Variants in COP1 observed in about 807,000 individuals in gnomAD.
COP1 encodes COP1 E3 ubiquitin ligase.
Under a neutral mutation model 101.3 loss-of-function variants are expected in COP1, and 24 were observed. The ratio of observed to expected loss-of-function variants is 0.24; its 90% CI spans 0.17 to 0.33. The LOEUF is 0.33. Ranked by LOEUF, COP1 falls within the 10% of genes least tolerant of loss-of-function variation. COP1 has a pLI of 1.00. For missense variants in COP1, 663 were observed against 906.2 expected (o/e 0.73, Z 3.45); for synonymous variants, 347 against 341.9 (o/e 1.01, Z -0.17).
chr1:176,060,403 T>C (rs1674630895), intron 11 of COP1, among the ~76,000 whole-genome samples: 1 of 152,174 alleles, frequency 6.6e-6, no homozygotes, highest in African/African-American at 2.4e-5. Context: ...TAACAAGAGC[T>C]GAAAAAGAAA....
At chr1:176,084,568 A>C (rs904826885) in intron 10 of COP1, among the ~76,000 whole-genome samples, 1 of 152,196 alleles carries the variant, frequency 6.6e-6, no homozygotes, top group Non-Finnish European at 1.5e-5. Context: ...AAAAATTATT[A>C]CACAAGCACA....
chr1:176,041,741 A>G (rs1339368123), intron 14 of COP1, among the ~76,000 whole-genome samples: 1 of 152,068 alleles, frequency 6.6e-6, no homozygotes, highest in Non-Finnish European at 1.5e-5. Context: ...CGAGGTGGGT[A>G]GATCACTGGA....
At chr1:175,989,155 A>T (rs1449914970) in intron 16 of COP1, 1 of 382,378 alleles carries the variant, frequency 2.6e-6, no homozygotes, top group Non-Finnish European at 4.7e-6. Flanking sequence ...TCAGGATTTT[A>T]CCCACAATTC....
At chr1:176,080,765 T>C (rs562848390) in intron 11 of COP1, among the ~76,000 whole-genome samples, 7 of 152,132 alleles carry the variant, frequency 4.6e-5, no homozygotes, top group African/African-American at 1.4e-4. Context: ...GCAAATTGAA[T>C]TGGTAGTTAA....
intron 6 of COP1, among the ~76,000 whole-genome samples, chr1:176,145,007 A>G (rs982889016): frequency 6.6e-6 from 1 of 152,104 alleles, no homozygotes; most frequent in Admixed American, 6.5e-5. Context: ...GATAAGATAA[A>G]TTTCACTCTA....
intron 18 of COP1, among the ~76,000 whole-genome samples, chr1:175,982,719 T>C (rs1310547516): frequency 6.6e-6 from 1 of 152,184 alleles, no homozygotes; most frequent in Non-Finnish European, 1.5e-5. Flanking sequence ...TATAATGGAA[T>C]ACCATTCAGC....
At chr1:176,083,455 G>C (rs1572128121) in intron 10 of COP1, among the ~76,000 whole-genome samples, 2 of 152,206 alleles carry the variant, frequency 1.3e-5, no homozygotes, top group African/African-American at 4.8e-5. Context: ...TATAGTAATT[G>C]ATTTTAACTT....
At chr1:175,999,464 G>T (rs1661076802) in intron 15 of COP1, among the ~76,000 whole-genome samples, 1 of 151,826 alleles carries the variant, frequency 6.6e-6, no homozygotes, top group Non-Finnish European at 1.5e-5. Flanking sequence ...TGGCTGAATA[G>T]TACTCCATTT....
chr1:175,991,561 A>C (rs1000380552), intron 15 of COP1, among the ~76,000 whole-genome samples: 1 of 152,214 alleles, frequency 6.6e-6, no homozygotes, highest in African/African-American at 2.4e-5. Context: ...GAAATAAATC[A>C]ACCTTACCTT....
At chr1:176,035,872 C>A (rs1258390045) in intron 14 of COP1, among the ~76,000 whole-genome samples, 6 of 152,000 alleles carry the variant, frequency 3.9e-5, no homozygotes, top group African/African-American at 1.4e-4. Flanking sequence ...TATTCTGGAC[C>A]ATAAAACAAA....
At chr1:176,008,166 C>G (rs976842725) in intron 15 of COP1, among the ~76,000 whole-genome samples, 1 of 152,248 alleles carries the variant, frequency 6.6e-6, no homozygotes, top group South Asian at 2.1e-4. Context: ...ACCCCTTGCG[C>G]TTCCCAAGTG....
intron 1 of COP1, among the ~76,000 whole-genome samples, chr1:176,192,922 T>C (rs1347323079): frequency 6.6e-6 from 1 of 152,204 alleles, no homozygotes; most frequent in African/African-American, 2.4e-5. Context: ...ATTTCACAAC[T>C]ACAGTGCTGA....
chr1:176,121,542 A>T (rs1431726632), intron 8 of COP1, among the ~76,000 whole-genome samples: 7 of 152,004 alleles, frequency 4.6e-5, no homozygotes, highest in African/African-American at 1.4e-4. Context: ...TAGAGGTACG[A>T]TCTCACTCTG....
At chr1:176,119,906 T>C (rs73042736) in intron 8 of COP1, among the ~76,000 whole-genome samples, 2,239 of 152,232 alleles carry the variant, frequency 0.015, 58 homozygotes, top group African/African-American at 0.051. Flanking sequence ...TGAGAGATTA[T>C]ATATGTGGCC....
chr1:176,146,461 A>G (rs1296724720), intron 6 of COP1, among the ~76,000 whole-genome samples: 1 of 152,266 alleles, frequency 6.6e-6, no homozygotes, highest in Non-Finnish European at 1.5e-5. Flanking sequence ...AGATGAAGTT[A>G]CAAAGAACAT....
chr1:176,063,115 A>G (rs1675251451), intron 11 of COP1, among the ~76,000 whole-genome samples: 1 of 126,732 alleles, frequency 7.9e-6, no homozygotes, highest in South Asian at 2.6e-4. Flanking sequence ...TGCGGACTGC[A>G]GTGGCGCAAT....
At chr1:176,016,265 G>A (rs1665614140) in intron 15 of COP1, among the ~76,000 whole-genome samples, 1 of 152,034 alleles carries the variant, frequency 6.6e-6, no homozygotes, top group Non-Finnish European at 1.5e-5. Flanking sequence ...AGAGAACAGA[G>A]TATCAAAGAA....
At chr1:176,098,909 C>T (rs902823488) in intron 9 of COP1, among the ~76,000 whole-genome samples, 3 of 152,060 alleles carry the variant, frequency 2.0e-5, no homozygotes, top group East Asian at 1.9e-4. Flanking sequence ...AAACAGAACA[C>T]GTTTACTTAC....
chr1:176,163,296 T>C (rs1694615651), intron 4 of COP1, among the ~76,000 whole-genome samples: 1 of 152,230 alleles, frequency 6.6e-6, no homozygotes, highest in East Asian at 1.9e-4. Flanking sequence ...ATATTTTCAA[T>C]TTTGCATGTA....
Sources: allele counts gnomAD v4.1 joint callset (sites outside exome capture counted in the v4.1 genomes callset), GRCh38; gene constraint gnomAD v4.1.1; transcripts MANE v1.5; gene names NCBI Gene and HGNC (gene_info 2026-07-23, HGNC 2026-07-21).